Variants in MAPT observed in about 807,000 individuals in gnomAD.
MAPT encodes microtubule associated protein tau.
Under a neutral mutation model 67.9 loss-of-function variants are expected in MAPT, and 34 were observed. The observed-to-expected ratio is 0.50, with a 90% confidence interval of 0.38 to 0.67. MAPT has a LOEUF of 0.67. Ranked by LOEUF, MAPT falls within the 30% of genes least tolerant of loss-of-function variation. The probability of loss-of-function intolerance (pLI) is 0.00; values close to 1 mark genes in which losing one functional copy is unlikely to be tolerated. For synonymous variants in MAPT, 456 were observed against 464.5 expected (o/e 0.98, Z 0.23); for missense variants, 881 against 1,115.2 (o/e 0.79, Z 2.99).
chr17:45,991,782 T>A (rs954425959), intron 8 of MAPT, among the ~76,000 whole-genome samples, 196 bp downstream of exon 8: 78 of 141,052 alleles, frequency 5.5e-4, no homozygotes, highest in African/African-American at 2.0e-3. Context: ...AATCCCTACC[T>A]TTTTTTTTTT....
intron 1 of MAPT, among the ~76,000 whole-genome samples, chr17:45,914,318 A>G (rs952642221): frequency 1.4e-5 from 2 of 143,772 alleles, no homozygotes; most frequent in African/African-American, 4.9e-5. Flanking sequence ...TCAGCTTCCA[A>G]GAATTAACCC....
In MAPT at chr17:45,904,241, ATATATAT is replaced by A. The variant is rs1231933367; in HGVS notation, c.-18+9577_-18+9583del. Among the ~76,000 whole-genome samples the A allele has an allele frequency of 1.8e-3, 85 of 48,300 alleles. No individual in the cohort carries two copies. In the East Asian group the frequency reaches 0.02, roughly 11 times the overall value. 31.7% of individuals were successfully genotyped at this position (48,300 alleles called of 152,430 possible). A position where few individuals can be genotyped will look rare whatever the true frequency, so the allele number is the denominator to read the frequency against. ...TATATTATATATATTATATATTATA[ATATATAT>A]TATATATTATATATTATATATATTT... On this transcript the variant is annotated intron_variant, in intron 1 of 12. Coordinates refer to ENST00000262410, the MANE Select transcript of MAPT (RefSeq NM_001377265.1).
chr17:46,004,003 C>T (rs939965378), intron 9 of MAPT, among the ~76,000 whole-genome samples: 2 of 152,198 alleles, frequency 1.3e-5, no homozygotes, highest in African/African-American at 4.8e-5. Context: ...TGTGTCAGTT[C>T]CTAAGCTGAT....
chr17:45,999,791 G>A lies in MAPT; in HGVS notation c.1998+3127G>A, dbSNP rs868349096. On this transcript the variant is annotated intron_variant, in intron 9 of 12. Coordinates refer to ENST00000262410, the MANE Select transcript of MAPT (RefSeq NM_001377265.1). ...CTTTTCTTGAGATATTTTGGGGGAC[G>A]AAGTGTGGAAAAGTGGCAGAGGACA... 20 of 840,128 alleles carry A rather than the reference G, an allele frequency of 2.4e-5. 1 individual carries two copies. The Middle Eastern group carries it at 1.1e-3, about 45-fold the overall frequency. The allele number at this position is 840,128 out of a possible 1,614,324, so 52.0% of individuals were successfully genotyped here.
rs2069731141 is a variant in MAPT, at chr17:45,956,591, TATATA to T, written c.-17-5729_-17-5725del. On this transcript the variant is annotated intron_variant, in intron 1 of 12. Coordinates refer to ENST00000262410, the MANE Select transcript of MAPT (RefSeq NM_001377265.1). ...ATATATATATATATATATATATATATATATATATATTTTTTATTATTATACTTTAA... is the reference window on the plus strand; with the variant it reads ...ATATATATATATATATATATATATATTATATTTTTTATTATTATACTTTAA... Among the ~76,000 whole-genome samples, 9 of 25,224 alleles carry T rather than the reference TATATA, an allele frequency of 3.6e-4. 1 individual carries two copies. The highest frequency in any genetic ancestry group is 9.7e-4 in the African/African-American group (8 of 8,226). 16.5% of individuals were successfully genotyped at this position (25,224 alleles called of 152,430 possible).
rs1441730891 is a variant in MAPT, at chr17:45,896,349, G to T, written c.-18+1663G>T. The stretch of plus-strand genomic sequence containing the variant: ...CACACCAGGTTGCCCAGCGAGGGAC[G>T]CTGGCTACCCATCCGGGGATGGGTG... On this transcript the variant is annotated intron_variant, in intron 1 of 12. Coordinates refer to ENST00000262410, the MANE Select transcript of MAPT (RefSeq NM_001377265.1). This position sits in a 1 kb window ranked among gnomAD's most constrained non-coding sequence, Gnocchi z 5.6. 6.6e-6 allele frequency: 1 copy of T among 152,234 alleles called. No individual in the cohort carries two copies. Among genetic ancestry groups the T allele is most frequent in the Non-Finnish European group, 1.5e-5 (1 of 68,066 alleles). 9.4% of individuals were successfully genotyped at this position (152,234 alleles called of 1,614,324 possible). A position where few individuals can be genotyped will look rare whatever the true frequency, so the allele number is the denominator to read the frequency against.
At chr17:45,907,818 G>A (rs913381447) in intron 1 of MAPT, 3 of 152,188 alleles carry the variant, frequency 2.0e-5, no homozygotes, top group East Asian at 1.9e-4. Context: ...CCATTGCCTC[G>A]TTAATCCTCA....
At chr17:45,997,729 C>G (rs1306701597) in intron 9 of MAPT, among the ~76,000 whole-genome samples, 1 of 152,166 alleles carries the variant, frequency 6.6e-6, no homozygotes, top group East Asian at 1.9e-4. Flanking sequence ...CACTGCACTC[C>G]AGTTTGAGCA....
At position 45,989,966 on chromosome 17, in the gene MAPT, T is replaced by G. The variant is rs759836359; in HGVS notation, c.1496T>G (p.Ile499Ser). 1 of 1,614,194 alleles carries G rather than the reference T, an allele frequency of 6.2e-7. No individual in the cohort carries two copies. Among genetic ancestry groups the G allele is most frequent in the Non-Finnish European group, 8.5e-7 (1 of 1,180,032 alleles). The change falls in exon 7 of 13, where the codon ATC becomes AGC. Residue 499 changes from isoleucine to serine, a missense_variant. By Grantham distance (142) the Ile-to-Ser change is moderately radical. Around this residue, in one of 6 missense-constraint regions of MAPT, gnomAD observed 687 missense variants for 766.1 expected, o/e 0.90. Transcript: ENST00000262410. ...ACTCCTGGTAGCTCAGACCCTCTGA[T>G]CCAACCCTCCAGCCCTGCTGTGTGC... ...HPTPGSSDPL[I>S]QPSSPAVCPE...
At chr17:45,903,433 A>T (rs571480202) in intron 1 of MAPT, among the ~76,000 whole-genome samples, 1 of 151,922 alleles carries the variant, frequency 6.6e-6, no homozygotes, top group African/African-American at 2.4e-5. Context: ...GGGCAACATC[A>T]GGCAGTCTGG....
At chr17:46,016,906 A>G (rs1267019780) in intron 11 of MAPT, among the ~76,000 whole-genome samples, 1 of 152,192 alleles carries the variant, frequency 6.6e-6, no homozygotes, top group African/African-American at 2.4e-5. Flanking sequence ...GGTACAGTTG[A>G]GGAAGAGTGG....
At chr17:46,011,717 C>G (rs2146037555) in intron 10 of MAPT, among the ~76,000 whole-genome samples, 1 of 152,288 alleles carries the variant, frequency 6.6e-6, no homozygotes, top group East Asian at 1.9e-4. Flanking sequence ...GCTGGCAGTA[C>G]CGGGACACTG....
chr17:45,987,132 A>G, intron 6 of MAPT, 37 bp downstream of exon 6: 1 of 1,596,734 alleles, frequency 6.3e-7, no homozygotes, highest in Non-Finnish European at 8.6e-7. Flanking sequence ...GCAGCTGGTC[A>G]AGTTTACAGA....
intron 1 of MAPT, among the ~76,000 whole-genome samples, chr17:45,902,647 C>T (rs1210106424): frequency 2.0e-5 from 3 of 152,210 alleles, no homozygotes; most frequent in Non-Finnish European, 2.9e-5. Flanking sequence ...AGGACTAGCA[C>T]AGCACTTTGA....
Position 45,903,942 on chromosome 17 carries a change from A to AT in MAPT, c.-18+9257dup, listed in dbSNP as rs1335569206. ...ATTTATATATATTATATATTTATAT[A>AT]TAATATATATTATATATTATATATT... On this transcript the variant is annotated intron_variant, in intron 1 of 12. Transcript: ENST00000262410. 9.5e-4 allele frequency among the ~76,000 whole-genome samples: 24 copies of AT among 25,304 alleles called. 1 individual carries two copies. The highest frequency in any genetic ancestry group is 3.2e-3 in the African/African-American group (19 of 5,974). The allele number at this position is 25,304 out of a possible 152,430, so 16.6% of individuals were successfully genotyped here.
intron 9 of MAPT, chr17:45,999,623 T>TG (rs1188430947): frequency 1.9e-6 from 3 of 1,612,114 alleles, no homozygotes; most frequent in African/African-American, 1.3e-5. Flanking sequence ...GCCCTGCCTC[T>TG]GCCCATGAGG....
chr17:46,013,306 C>G (rs1009929614), intron 10 of MAPT, among the ~76,000 whole-genome samples: 3 of 152,214 alleles, frequency 2.0e-5, no homozygotes, highest in Admixed American at 2.0e-4. Flanking sequence ...CCAGGCCCCA[C>G]ACAGCCATGG....
At chr17:45,920,593 A>G (rs2065613750) in intron 1 of MAPT, among the ~76,000 whole-genome samples, 1 of 152,160 alleles carries the variant, frequency 6.6e-6, no homozygotes, top group African/African-American at 2.4e-5. Context: ...TCAGTGGCTC[A>G]GCACTGCCCC....
chr17:46,021,222 T>C (rs1004039637), intron 12 of MAPT, among the ~76,000 whole-genome samples: 3 of 152,304 alleles, frequency 2.0e-5, no homozygotes, highest in Non-Finnish European at 4.4e-5. Flanking sequence ...GGCCCGTAGC[T>C]GGCCGAGAGC....
Sources: gnomAD v4.1 joint callset for allele counts (sites outside exome capture counted in the v4.1 genomes callset) on GRCh38, gnomAD v4.1.1 for gene constraint, gnomAD v4.1.1 regional missense constraint, Gnocchi (gnomAD v3.1) non-coding constraint, MANE v1.5 for transcripts, NCBI Gene and HGNC (gene_info 2026-07-23, HGNC 2026-07-21) for gene names.